RGS9: variants seen among roughly 807,000 people sequenced by gnomAD.
The protein encoded by RGS9 is regulator of G-protein signalling 9.
Under a neutral mutation model 102.0 loss-of-function variants are expected in RGS9, and 78 were observed. That is an observed-to-expected ratio of 0.76 (90% CI 0.64 to 0.92). The LOEUF is 0.92. RGS9 is among the 40% of genes least tolerant of loss of function. The pLI is 0.00. For missense variants in RGS9, 833 were observed against 866.1 expected (o/e 0.96, Z 0.48); for synonymous variants, 353 against 318.6 (o/e 1.11, Z -1.15).
chr17:65,223,644 G>A (rs1263658263), intron 17 of RGS9, among the ~76,000 whole-genome samples: 3 of 152,194 alleles, frequency 2.0e-5, no homozygotes, highest in South Asian at 2.1e-4. Flanking sequence ...CACTGAGCAG[G>A]GCAACTATGT....
rs573027306 is a variant in RGS9, at chr17:65,167,730, G to A, written c.501-470G>A. ...AAGCCAGGAGGTCAAATGTCGACCC[G>A]GAAGTTCACCCATGCGCGCTGCTCT... On this transcript the variant is annotated intron_variant, in intron 7 of 18. Transcript: ENST00000262406. 9.8e-5 allele frequency among the ~76,000 whole-genome samples: 15 copies of A among 152,286 alleles called. No homozygotes were observed. In the East Asian group the frequency reaches 2.1e-3, roughly 22 times the overall value.
intron 13 of RGS9, among the ~76,000 whole-genome samples, chr17:65,197,516 A>G (rs1406114602): frequency 6.6e-6 from 1 of 152,028 alleles, no homozygotes; most frequent in Non-Finnish European, 1.5e-5. Context: ...GGCTCCATCC[A>G]TCCTGGATGC....
rs1223633464 is a variant in RGS9, at chr17:65,210,589, CTG to C, written c.1394_1395del (p.Val465GlyfsTer29). ...GCCAAGGCCCGAGAAGCAGCCAACA[CTG>C]TGGACATCACCCAGGTCATGAGCAA... On this transcript the variant is annotated frameshift_variant, in exon 17 of 19. Transcript: ENST00000262406. LOFTEE classifies it high-confidence loss of function. 3 of 1,613,942 alleles carry C rather than the reference CTG, an allele frequency of 1.9e-6. No individual in the cohort carries two copies. The highest frequency in any genetic ancestry group is 2.5e-6 in the Non-Finnish European group (3 of 1,180,050).
intron 1 of RGS9, among the ~76,000 whole-genome samples, chr17:65,149,122 C>T (rs9675337): frequency 0.025 from 3,499 of 138,306 alleles, 136 homozygotes; most frequent in African/African-American, 0.11. Context: ...CCACCATGCC[C>T]GGCTAGTTTT....
intron 9 of RGS9, among the ~76,000 whole-genome samples, chr17:65,183,147 C>T (rs1363306306): frequency 6.6e-6 from 1 of 151,922 alleles, no homozygotes; most frequent in Non-Finnish European, 1.5e-5. Context: ...TATTTTGAGA[C>T]AGTCTTGCTC....
At chr17:65,206,747 G>A (rs564925543) in intron 15 of RGS9, among the ~76,000 whole-genome samples, 38 of 152,292 alleles carry the variant, frequency 2.5e-4, no homozygotes, top group African/African-American at 8.9e-4. Flanking sequence ...TGCCCAGGGA[G>A]GCCAGTTACT....
At position 65,150,105 on chromosome 17, in the gene RGS9, A is replaced by G. The variant is rs75467355; in HGVS notation, c.58-3317A>G. Among the ~76,000 whole-genome samples, 283 of 152,244 alleles carry G rather than the reference A, an allele frequency of 1.9e-3. 3 individuals carry two copies. The highest frequency in any genetic ancestry group is 6.4e-3 in the African/African-American group (267 of 41,546). ...ACTTTGGGTAATGGCGGGAATGTGG[A>G]CAGACTTGGTGTGAGAGCAGCCATC... On this transcript the variant is annotated intron_variant, in intron 1 of 18. Transcript: ENST00000262406.
intron 1 of RGS9, among the ~76,000 whole-genome samples, chr17:65,143,054 G>C (rs1910217475): frequency 6.6e-6 from 1 of 152,088 alleles, no homozygotes; most frequent in Non-Finnish European, 1.5e-5. Flanking sequence ...ATCATGCCAG[G>C]CTTAACCATT....
chr17:65,187,455 G>T (rs1912166706), intron 9 of RGS9, among the ~76,000 whole-genome samples: 1 of 152,158 alleles, frequency 6.6e-6, no homozygotes, highest in Non-Finnish European at 1.5e-5. Flanking sequence ...GATTTCTTGT[G>T]AAAAGCAATG....
chr17:65,222,722 C>T (rs1240895616), intron 17 of RGS9, among the ~76,000 whole-genome samples: 1 of 152,156 alleles, frequency 6.6e-6, no homozygotes, highest in East Asian at 1.9e-4. Context: ...TTGCACCTCC[C>T]TATAGAAGGG....
Position 65,153,483 on chromosome 17 carries a change from G to A in RGS9, c.119G>A (p.Arg40Lys). The change falls in exon 2 of 19, where the codon AGG becomes AAG. Residue 40 changes from arginine to lysine, a missense_variant. By Grantham distance (26) the Arg-to-Lys change is conservative (BLOSUM62 2). Around this residue, in one of 3 missense-constraint regions of RGS9, gnomAD observed 328 missense variants for 340.6 expected, o/e 0.96. Coordinates refer to ENST00000262406, the MANE Select transcript of RGS9 (RefSeq NM_003835.4). ...ACAGGGGTCCGAATGCAGAACCAGAGGGTCCTGGTCACCAGCGTTCCTCAT... is the reference window on the plus strand; with the variant it reads ...ACAGGGGTCCGAATGCAGAACCAGAAGGTCCTGGTCACCAGCGTTCCTCAT... ...PETGVRMQNQRVLVTSVPHAM... is the reference protein window; with the variant it reads ...PETGVRMQNQKVLVTSVPHAM... The A allele has an allele frequency of 6.2e-7, 1 of 1,614,230 alleles. No individual in the cohort carries two copies. The highest frequency in any genetic ancestry group is 8.5e-7 in the Non-Finnish European group (1 of 1,180,028).
chr17:65,192,338 G>T (rs1912400128), intron 11 of RGS9, among the ~76,000 whole-genome samples: 1 of 152,208 alleles, frequency 6.6e-6, no homozygotes, highest in Non-Finnish European at 1.5e-5. Context: ...ATTAGGCCGG[G>T]AGCGGTGGCT....
intron 15 of RGS9, among the ~76,000 whole-genome samples, chr17:65,207,104 C>T (rs1049227706): frequency 2.0e-5 from 3 of 152,212 alleles, no homozygotes; most frequent in South Asian, 4.1e-4. Flanking sequence ...TAAACAGCCC[C>T]ATAACTGGAC....
At chr17:65,212,242 C>T (rs1318736057) in intron 17 of RGS9, among the ~76,000 whole-genome samples, 2 of 152,176 alleles carry the variant, frequency 1.3e-5, no homozygotes, top group African/African-American at 4.8e-5. Context: ...TTCAAAGTCT[C>T]ATGGCGAAAG....
intron 2 of RGS9, among the ~76,000 whole-genome samples, chr17:65,154,702 C>T (rs914094633): frequency 3.9e-5 from 6 of 152,164 alleles, no homozygotes; most frequent in South Asian, 2.1e-4. Flanking sequence ...AAGGGCTGGA[C>T]GCCAATATTA....
At chr17:65,175,616 G>A (rs1324604921) in intron 8 of RGS9, among the ~76,000 whole-genome samples, 3 of 152,070 alleles carry the variant, frequency 2.0e-5, no homozygotes, top group Non-Finnish European at 2.9e-5. Context: ...CACAATGTCC[G>A]GCACATAAGA....
chr17:65,183,101 T>TATCTATTTATCTATCTATCCATCC (rs1911958212), intron 9 of RGS9, among the ~76,000 whole-genome samples: 2 of 149,198 alleles, frequency 1.3e-5, no homozygotes, highest in African/African-American at 5.1e-5. Flanking sequence ...TCTATCTATC[T>TATCTATTTATCTATCTATCCATCC]ATCTATCTAC....
intron 17 of RGS9, among the ~76,000 whole-genome samples, chr17:65,213,235 T>A (rs1188325139): frequency 6.6e-6 from 1 of 152,230 alleles, no homozygotes; most frequent in African/African-American, 2.4e-5. Context: ...AAGTTTCACA[T>A]TAAAATAATC....
At chr17:65,139,944 C>T (rs1341810193) in intron 1 of RGS9, among the ~76,000 whole-genome samples, 1 of 152,120 alleles carries the variant, frequency 6.6e-6, no homozygotes. Context: ...GGAGAAGGGC[C>T]TGGAACAAAA....
Sources: allele counts gnomAD v4.1 joint callset (sites outside exome capture counted in the v4.1 genomes callset), GRCh38; gene constraint gnomAD v4.1.1; regional missense constraint gnomAD v4.1.1; transcripts MANE v1.5; gene names NCBI Gene and HGNC (gene_info 2026-07-23, HGNC 2026-07-21).